MCC: variants seen among roughly 807,000 people sequenced by gnomAD.
MCC encodes the protein MCC regulator of Wnt signaling pathway.
MCC carries 90 observed loss-of-function variants against 116.2 expected under a neutral mutation model. The observed-to-expected ratio is 0.77, with a 90% confidence interval of 0.65 to 0.92. MCC has a LOEUF of 0.92. MCC is among the 40% of genes least tolerant of loss of function. The pLI is 0.00. For missense variants in MCC, 1,516 were observed against 1,312.2 expected (o/e 1.16, Z -2.40); for synonymous variants, 578 against 510.5 (o/e 1.13, Z -1.78).
At chr5:113,174,341 A>G (rs1038412672) in intron 3 of MCC, among the ~76,000 whole-genome samples, 5 of 152,200 alleles carry the variant, frequency 3.3e-5, no homozygotes, top group African/African-American at 9.7e-5. Context: ...AATCGTACCT[A>G]CACTGCTGGT....
chr5:113,118,448 G>T (rs562169081), intron 6 of MCC, among the ~76,000 whole-genome samples: 1 of 152,136 alleles, frequency 6.6e-6, no homozygotes, highest in African/African-American at 2.4e-5. Flanking sequence ...TAATTGGATC[G>T]TTTATTCCTC....
intron 8 of MCC, among the ~76,000 whole-genome samples, chr5:113,094,679 C>G (rs538420817): frequency 6.6e-6 from 1 of 152,310 alleles, no homozygotes; most frequent in East Asian, 1.9e-4. Flanking sequence ...CTCAGCCTCC[C>G]AAAGTGCTGG....
intron 2 of MCC, among the ~76,000 whole-genome samples, chr5:113,343,412 C>T (rs1768058286): frequency 6.6e-6 from 1 of 152,208 alleles, no homozygotes; most frequent in African/African-American, 2.4e-5. Flanking sequence ...TTAACATAGA[C>T]TGCCAAATGC....
chr5:113,414,215 G>A (rs747569600), intron 1 of MCC, among the ~76,000 whole-genome samples: 23 of 152,162 alleles, frequency 1.5e-4, no homozygotes, highest in Non-Finnish European at 1.8e-4. Context: ...GAATAAGTGC[G>A]ATTTGGTGCT....
chr5:113,254,450 T>C (rs1764928814), intron 3 of MCC, among the ~76,000 whole-genome samples: 1 of 152,216 alleles, frequency 6.6e-6, no homozygotes, highest in Non-Finnish European at 1.5e-5. Flanking sequence ...AAAAAGTTTG[T>C]ATAATCAAGA....
intron 3 of MCC, among the ~76,000 whole-genome samples, chr5:113,227,608 C>T (rs1343486572): frequency 6.6e-6 from 1 of 152,094 alleles, no homozygotes; most frequent in African/African-American, 2.4e-5. Context: ...TTTAAAAAAT[C>T]TTTAAAGAAA....
chr5:113,397,336 C>T (rs1769553114), intron 1 of MCC, among the ~76,000 whole-genome samples: 2 of 152,186 alleles, frequency 1.3e-5, no homozygotes, highest in Non-Finnish European at 1.5e-5. Context: ...CTCTCTTACT[C>T]TGTCACTCTG....
At chr5:113,326,351 A>T (rs1452332903) in intron 3 of MCC, among the ~76,000 whole-genome samples, 1 of 152,224 alleles carries the variant, frequency 6.6e-6, no homozygotes, top group Non-Finnish European at 1.5e-5. Context: ...TGGATAATTT[A>T]TAAAGAACAG....
chr5:113,151,151 T>C lies in MCC; in HGVS notation c.741+158A>G, dbSNP rs982321963. 9.8e-5 allele frequency among the ~76,000 whole-genome samples: 15 copies of C among 152,350 alleles called. 1 individual carries two copies. The South Asian group carries it at 2.1e-3, about 21-fold the overall frequency. On this transcript the variant is annotated intron_variant, in intron 4 of 18. Transcript: ENST00000408903. ...AAGTGTTGTTTAAGCCACAAATCTA[T>C]GGCATTTGTTACAGCAGCCAGAGCA...
In MCC at chr5:113,064,034, G is replaced by A. The variant is rs559280311; in HGVS notation, c.2163C>T (p.Ala721=). ...DGSCGGAFAV[A]GCSVQPWESL... The stretch of plus-strand genomic sequence containing the variant: ...TCTCCCAGGGCTGCACGCTGCAGCC[G>A]GCCACGGCAAAGGCTCCCCCACAGC... Residue 721 remains alanine, a synonymous_variant, in exon 14 of 19, where the codon GCC becomes GCT. Coordinates refer to ENST00000408903, the MANE Select transcript of MCC (RefSeq NM_001085377.2). The A allele has an allele frequency of 2.3e-4, 376 of 1,614,054 alleles. 4 individuals are homozygous for A. The South Asian group carries it at 3.9e-3, about 17-fold the overall frequency.
chr5:113,154,665 T>C (rs1760072243), intron 3 of MCC, among the ~76,000 whole-genome samples: 1 of 152,220 alleles, frequency 6.6e-6, no homozygotes, highest in South Asian at 2.1e-4. Flanking sequence ...GCTAGAGTGT[T>C]TGTGAGCGAT....
intron 3 of MCC, among the ~76,000 whole-genome samples, chr5:113,251,428 G>C (rs1311113757): frequency 6.6e-6 from 1 of 152,174 alleles, no homozygotes; most frequent in Admixed American, 6.5e-5. Flanking sequence ...TTTTCTGATA[G>C]TTGGAAATCT....
chr5:113,209,100 G>C (rs944715314), intron 3 of MCC, among the ~76,000 whole-genome samples: 6 of 152,160 alleles, frequency 3.9e-5, no homozygotes, highest in African/African-American at 1.4e-4. Flanking sequence ...AACAGAAGCT[G>C]TATGTCCAAC....
chr5:113,109,612 C>G (rs892180270), intron 6 of MCC, among the ~76,000 whole-genome samples: 27 of 151,998 alleles, frequency 1.8e-4, no homozygotes, highest in African/African-American at 6.5e-4. Context: ...GAACTGTACA[C>G]TTAGAAATGA....
At chr5:113,469,459 G>A (rs569775456) in intron 1 of MCC, among the ~76,000 whole-genome samples, 1 of 152,248 alleles carries the variant, frequency 6.6e-6, no homozygotes, top group South Asian at 2.1e-4. Context: ...TCATTCAGGA[G>A]CAGGTTGTTC....
chr5:113,258,235 CAT>C (rs1174274070), intron 3 of MCC, among the ~76,000 whole-genome samples: 7 of 152,210 alleles, frequency 4.6e-5, no homozygotes, highest in African/African-American at 1.4e-4. Flanking sequence ...ATTAATATAA[CAT>C]GTGCTTATGT....
At chr5:113,174,434 A>C (rs956333916) in intron 3 of MCC, among the ~76,000 whole-genome samples, 17 of 152,140 alleles carry the variant, frequency 1.1e-4, no homozygotes, top group African/African-American at 3.6e-4. Context: ...ATTTACAAAG[A>C]TATTTATTAT....
intron 17 of MCC, among the ~76,000 whole-genome samples, chr5:113,033,363 T>G (rs1484783411): frequency 6.6e-6 from 1 of 152,174 alleles, no homozygotes; most frequent in African/African-American, 2.4e-5. Flanking sequence ...ATATGCAAAA[T>G]TGCAAGCACG....
chr5:113,488,220 G>A, intron 1 of MCC, 25 bp downstream of exon 1: 1 of 1,580,986 alleles, frequency 6.3e-7, no homozygotes, highest in Non-Finnish European at 8.6e-7. Context: ...CGCTCCTGTC[G>A]GTTTCCTCGT....
Sources: gnomAD v4.1 joint callset for allele counts (sites outside exome capture counted in the v4.1 genomes callset) on GRCh38, gnomAD v4.1.1 for gene constraint, MANE v1.5 for transcripts, NCBI Gene and HGNC (gene_info 2026-07-23, HGNC 2026-07-21) for gene names.